The following RNF20 variants were observed in gnomAD, a reference collection of about 807,000 sequenced individuals.
RNF20 encodes E3 ubiquitin-protein ligase BRE1A.
RNF20 carries 84 observed loss-of-function variants against 126.2 expected under a neutral mutation model. The observed-to-expected ratio is 0.67, with a 90% CI of 0.56 to 0.80. The LOEUF (loss-of-function observed/expected upper bound fraction) is 0.80, where lower values mean the gene tolerates loss of function less well. Among genes scored for constraint, RNF20 ranks in the 30% least tolerant of loss-of-function variants. The pLI is 0.00. For synonymous variants in RNF20, 400 were observed against 414.3 expected (o/e 0.97, Z 0.42); for missense variants, 869 against 1,188.2 (o/e 0.73, Z 3.95).
At chr9:101,535,331 T>C (rs1827165426) in intron 1 of RNF20, 67 bp from the exon 2 acceptor site, 19 of 1,326,150 alleles carry the variant, frequency 1.4e-5, no homozygotes, top group Non-Finnish European at 6.2e-6. Context: ...GTTTTTACTC[T>C]ATTGTTTTAC....
chr9:101,535,383 CT>C lies in RNF20; in HGVS notation c.-26-8del. ...TTACATATATTATGTCAGTTTCTGCCTTTTTTTCTATCAGGAAAACGACTGT... is the reference window on the plus strand; with the variant it reads ...TTACATATATTATGTCAGTTTCTGCCTTTTTTCTATCAGGAAAACGACTGT... On this transcript the variant is annotated splice_polypyrimidine_tract_variant and intron_variant, in intron 1 of 19. Coordinates refer to ENST00000389120, the MANE Select transcript of RNF20 (RefSeq NM_019592.7). 8 of 1,596,902 alleles carry C rather than the reference CT, an allele frequency of 5.0e-6. No individual in the cohort carries two copies. The highest frequency in any genetic ancestry group is 1.8e-5 in the Admixed American group (1 of 56,238).
At chr9:101,558,006 CT>C (rs200617735) in intron 16 of RNF20, among the ~76,000 whole-genome samples, 9,240 of 127,558 alleles carry the variant, frequency 0.072, 326 homozygotes, top group South Asian at 0.11. Flanking sequence ...TGTGATTTTA[CT>C]TTTTTTTTTT....
chr9:101,552,103 C>A (rs753328609), intron 11 of RNF20, 38 bp from the exon 12 acceptor site: 3 of 1,613,874 alleles, frequency 1.9e-6, no homozygotes, highest in Non-Finnish European at 2.5e-6. Context: ...TTTGCCCTTA[C>A]CACGGTTCCT....
intron 19 of RNF20, 95 bp from the exon 20 acceptor site, chr9:101,562,151 C>A: frequency 1.5e-6 from 2 of 1,379,180 alleles, no homozygotes; most frequent in Admixed American, 2.1e-5. Context: ...TTTTTTAGTG[C>A]CTTGTGGGTT....
In RNF20 at chr9:101,540,529, C is replaced by G; in HGVS notation, c.337C>G (p.Leu113Val). Reference sequence around the variant, plus strand: ...CCGTATCATCCTTAAACGTTATGATCTGGAGCAGGGCTTGGGAGACCTACT... The same window carrying G: ...CCGTATCATCCTTAAACGTTATGATGTGGAGCAGGGCTTGGGAGACCTACT... ...NIRIILKRYD[L>V]EQGLGDLLTE... is the part of the protein sequence containing the mutation. The change falls in exon 4 of 20, where the codon CTG (leucine) becomes GTG (valine). Residue 113 changes from leucine (L) to valine (V), a missense_variant. Physicochemically the swap from Leu to Val is conservative, Grantham distance 32. This residue lies in a region of RNF20 where 157 missense variants were observed against 236.0 expected (regional missense o/e 0.67). Coordinates refer to ENST00000389120, the MANE Select transcript of RNF20 (RefSeq NM_019592.7). The G allele has an allele frequency of 6.2e-7, 1 of 1,614,004 alleles. No homozygotes were observed. The highest frequency in any genetic ancestry group is 8.5e-7 in the Non-Finnish European group (1 of 1,179,976).
At position 101,554,089 on chromosome 9, in the gene RNF20, A is replaced by G. The variant is rs1175003674; in HGVS notation, c.2003A>G (p.Lys668Arg). Residue 668 changes from lysine (K) to arginine (R), a missense_variant, in exon 14 of 20, where the codon AAG becomes AGG. Physicochemically the swap from Lys to Arg is conservative, Grantham distance 26 (BLOSUM62 2). This residue lies in a region of RNF20 where 231 missense variants were observed against 263.6 expected (regional missense o/e 0.88). Coordinates refer to ENST00000389120, the MANE Select transcript of RNF20 (RefSeq NM_019592.7). ...RDKVQLMAAE[K>R]KSKAELEDLR... Reference sequence around the variant, plus strand: ...AAAGTTCAGCTGATGGCAGCTGAGAAGAAGTCTAAGGCAGAGGTATTCTAG... The same window carrying G: ...AAAGTTCAGCTGATGGCAGCTGAGAGGAAGTCTAAGGCAGAGGTATTCTAG... 3.1e-6 allele frequency: 5 copies of G among 1,602,216 alleles called. No individual in the cohort carries two copies. The highest frequency in any genetic ancestry group is 4.3e-6 in the Non-Finnish European group (5 of 1,169,256).
chr9:101,552,035 T>C, intron 11 of RNF20, 106 bp from the exon 12 acceptor site: 2 of 1,438,950 alleles, frequency 1.4e-6, no homozygotes, highest in Admixed American at 4.1e-5. Flanking sequence ...TTTTATTTGG[T>C]AATTCTCCCT....
intron 16 of RNF20, 107 bp from the exon 17 acceptor site, chr9:101,560,694 T>G (rs1315632164): frequency 9.0e-7 from 1 of 1,105,262 alleles, no homozygotes; most frequent in Non-Finnish European, 1.3e-6. Context: ...AGTAATAGTT[T>G]GAGATTTCTA....
At chr9:101,552,885 C>A in intron 13 of RNF20, 132 bp downstream of exon 13, 1 of 993,688 alleles carries the variant, frequency 1.0e-6, no homozygotes. Context: ...AATTTGGTTT[C>A]AAGTCGTGTT....
intron 15 of RNF20, among the ~76,000 whole-genome samples, chr9:101,555,453 CA>C (rs1256762256): frequency 1.3e-5 from 2 of 151,558 alleles, no homozygotes; most frequent in Non-Finnish European, 2.9e-5. Context: ...TTTTAAATGC[CA>C]GGGAATTTTT....
At chr9:101,547,593 T>A in intron 9 of RNF20, 75 bp downstream of exon 9, 1 of 1,530,806 alleles carries the variant, frequency 6.5e-7, no homozygotes, top group South Asian at 1.2e-5. Context: ...TAGTTGTGAA[T>A]CTGCGTATTC....
intron 6 of RNF20, among the ~76,000 whole-genome samples, chr9:101,545,461 T>C (rs1182223161): frequency 2.6e-5 from 4 of 152,196 alleles, no homozygotes; most frequent in Admixed American, 6.5e-5. Flanking sequence ...ACAACTCCCA[T>C]TTTATTGCCA....
rs751487424 is a variant in RNF20 at position 101,539,495 on chromosome 9, C to T, written c.130-708C>T. On this transcript the variant is annotated intron_variant, in intron 2 of 19. Transcript: ENST00000389120. ...GAAGGTAGCAGAGATAGAAGGAGAC[C>T]GAAAAGGAGAAAGAAAAGAATTCAA... is the stretch of plus-strand genomic sequence containing the variant. 4.6e-5 allele frequency among the ~76,000 whole-genome samples: 7 copies of T among 151,652 alleles called. No homozygotes were observed. The East Asian group carries it at 5.8e-4, about 13-fold the overall frequency.
rs61760888 is a variant in RNF20 at position 101,540,552 on chromosome 9, A to G, written c.360A>G (p.Leu120=). ...ATCTGGAGCAGGGCTTGGGAGACCT[A>G]CTCACAGAACGAAAAGCCCTTGTTG... ...RYDLEQGLGD[L]LTERKALVVP... Residue 120 remains leucine (L), a synonymous_variant, in exon 4 of 20, where the codon CTA becomes CTG. Coordinates refer to ENST00000389120, the MANE Select transcript of RNF20 (RefSeq NM_019592.7). 1.2e-6 allele frequency: 2 copies of G among 1,613,920 alleles called. No individual in the cohort carries two copies. The highest frequency in any genetic ancestry group is 2.2e-5 in the East Asian group (1 of 44,870).
chr9:101,538,260 T>A (rs1827213663), intron 2 of RNF20, among the ~76,000 whole-genome samples: 1 of 152,162 alleles, frequency 6.6e-6, no homozygotes, highest in Non-Finnish European at 1.5e-5. Flanking sequence ...AGGAGGTCAG[T>A]GACTTGATGA....
At chr9:101,534,153 C>A (rs1006900972) in intron 1 of RNF20, 4 of 151,944 alleles carry the variant, frequency 2.6e-5, no homozygotes, top group African/African-American at 9.7e-5. Flanking sequence ...AGGCGAGGTC[C>A]TACTGAGGTT....
rs1311515668 is a variant in RNF20, at chr9:101,535,428, C to T, written c.5C>T (p.Ser2Leu). The T allele has an allele frequency of 1.2e-6, 2 of 1,611,860 alleles. No homozygotes were observed. The highest frequency in any genetic ancestry group is 1.1e-5 in the South Asian group (1 of 90,448). The change falls in exon 2 of 20, where the codon TCA becomes TTA. Residue 2 changes from serine (S) to leucine (L), a missense_variant. Physicochemically the swap from Ser to Leu is moderately radical, Grantham distance 145. Transcript: ENST00000389120. ...CGACTGTCTTCTTCTGCCAAAATGTCAGGAATTGGAAATAAAAGAGCAGCT... is the reference window on the plus strand; with the variant it reads ...CGACTGTCTTCTTCTGCCAAAATGTTAGGAATTGGAAATAAAAGAGCAGCT... Reference protein sequence around the residue: MSGIGNKRAAGE... With the variant: MLGIGNKRAAGE...
Position 101,552,211 on chromosome 9 carries a change from G to A in RNF20, c.1479G>A (p.Glu493=). 6 of 1,614,114 alleles carry A rather than the reference G, an allele frequency of 3.7e-6. No individual in the cohort carries two copies. Among genetic ancestry groups the A allele is most frequent in the Non-Finnish European group, 5.1e-6 (6 of 1,180,012 alleles). Residue 493 remains glutamate (E), a synonymous_variant, in exon 12 of 20, where the codon GAG becomes GAA. Transcript: ENST00000389120. ...LQNHNHQLKG[E]VLRYKRKLRE... Reference sequence around the variant, plus strand: ...ATCACAATCACCAGCTGAAAGGGGAGGTCCTGAGATATAAGCGGAAATTGA... The same window carrying A: ...ATCACAATCACCAGCTGAAAGGGGAAGTCCTGAGATATAAGCGGAAATTGA...
At chr9:101,562,139 CTT>C in intron 19 of RNF20, 105 bp from the exon 20 acceptor site, 1 of 1,356,558 alleles carries the variant, frequency 7.4e-7, no homozygotes, top group Non-Finnish European at 1.0e-6. Flanking sequence ...AAATGATGCT[CTT>C]TTTTTAGTGC....
Sources: gnomAD v4.1 joint callset for allele counts (sites outside exome capture counted in the v4.1 genomes callset) on GRCh38, gnomAD v4.1.1 for gene constraint, gnomAD v4.1.1 regional missense constraint, MANE v1.5 for transcripts, NCBI Gene and HGNC (gene_info 2026-07-23, HGNC 2026-07-21) for gene names.